Variants in TMEM26 observed in about 807,000 individuals in gnomAD.
TMEM26 encodes the protein transmembrane protein 26.
A neutral mutation model predicts 28.8 loss-of-function variants in TMEM26; 38 were observed. That is an observed-to-expected ratio of 1.32 (90% CI 1.02 to 1.73). The LOEUF (loss-of-function observed/expected upper bound fraction) is 1.73, where lower values mean the gene tolerates loss of function less well. Among genes scored for constraint, TMEM26 ranks in the 40% most tolerant of loss-of-function variants. The pLI is 0.00. For missense variants in TMEM26, 518 were observed against 447.1 expected (o/e 1.16, Z -1.43); for synonymous variants, 227 against 182.9 (o/e 1.24, Z -1.95).
intron 2 of TMEM26, 99 bp from the exon 3 acceptor site, chr10:61,431,431 A>C: frequency 1.2e-6 from 1 of 852,090 alleles, no homozygotes; most frequent in Non-Finnish European, 1.9e-6. Context: ...ATGAGCAGAT[A>C]TGCAGAGTTT....
intron 5 of TMEM26, chr10:61,412,908 T>A: frequency 1.6e-6 from 2 of 1,289,820 alleles, no homozygotes; most frequent in Non-Finnish European, 2.0e-6. Context: ...GGTTTATGTT[T>A]TTATTAAAGT....
intron 4 of TMEM26, chr10:61,414,862 A>T: frequency 2.6e-6 from 1 of 390,456 alleles, no homozygotes; most frequent in South Asian, 1.1e-4. Context: ...ACAGACATTC[A>T]GATTTAAACA....
chr10:61,452,953 G>A lies in TMEM26; in HGVS notation c.129C>T (p.Asn43=). The A allele has an allele frequency of 1.9e-6, 3 of 1,614,090 alleles. No homozygotes were observed. Among genetic ancestry groups the A allele is most frequent in the Non-Finnish European group, 2.5e-6 (3 of 1,180,014 alleles). Residue 43 remains asparagine (N), a synonymous_variant, in exon 1 of 6, where the codon AAC becomes AAT. Coordinates refer to ENST00000399298, the MANE Select transcript of TMEM26 (RefSeq NM_178505.8). The part of the protein sequence containing the change: ...EPRYWLLALL[N]LLLFLETALT... The stretch of plus-strand genomic sequence containing the variant: ...GCGCAGTCTCCAGGAAGAGCAAGAG[G>A]TTGAGCAGCGCAAGCAGCCAGTACC...
intron 4 of TMEM26, among the ~76,000 whole-genome samples, chr10:61,420,463 G>C (rs934246785): frequency 6.6e-6 from 1 of 152,060 alleles, no homozygotes; most frequent in Non-Finnish European, 1.5e-5. Context: ...TCAAACTCAT[G>C]TTATTCAAAG....
intron 1 of TMEM26, among the ~76,000 whole-genome samples, chr10:61,440,947 T>G (rs1295758128): frequency 1.3e-5 from 2 of 152,184 alleles, no homozygotes; most frequent in African/African-American, 4.8e-5. Flanking sequence ...CCTATGCATA[T>G]CCTCCCTATG....
chr10:61,436,325 G>GA (rs926108409), intron 1 of TMEM26, 77 bp from the exon 2 acceptor site: 1,103 of 873,802 alleles, frequency 1.3e-3, no homozygotes, highest in South Asian at 1.7e-3. Context: ...GAGGAAGAAT[G>GA]AAAAAAAAAT....
chr10:61,429,520 C>G (rs1180792192), intron 3 of TMEM26, among the ~76,000 whole-genome samples: 1 of 151,410 alleles, frequency 6.6e-6, no homozygotes, highest in Non-Finnish European at 1.5e-5. Context: ...ATCACAAAAA[C>G]TTCCTATATT....
At position 61,406,989 on chromosome 10, in the gene TMEM26, T is replaced by A. The variant is rs547261785; in HGVS notation, c.*3333A>T. On this transcript the variant is annotated 3_prime_UTR_variant, in exon 6 of 6. Coordinates refer to ENST00000399298, the MANE Select transcript of TMEM26 (RefSeq NM_178505.8). ...TTAGAAAAAAAAAAAATCCCCTTTT[T>A]TTCTTGTAATTCAAGACTGTTTGGT... The A allele has an allele frequency of 3.9e-5, 6 of 152,200 alleles. No individual in the cohort carries two copies. The South Asian group carries it at 1.2e-3, about 32-fold the overall frequency. 9.4% of individuals were successfully genotyped at this position (152,200 alleles called of 1,614,324 possible).
intron 1 of TMEM26, among the ~76,000 whole-genome samples, chr10:61,452,369 G>A (rs548219476): frequency 6.4e-4 from 98 of 152,366 alleles, no homozygotes; most frequent in African/African-American, 2.1e-3. Context: ...CGGCTGGAGG[G>A]AAGGGAAGCG....
chr10:61,431,023 G>A (rs1268734714), intron 3 of TMEM26, among the ~76,000 whole-genome samples, 196 bp downstream of exon 3: 1 of 151,616 alleles, frequency 6.6e-6, no homozygotes, highest in Non-Finnish European at 1.5e-5. Flanking sequence ...TATATAAAAT[G>A]TATCAATGTA....
intron 4 of TMEM26, among the ~76,000 whole-genome samples, chr10:61,419,226 T>C (rs1391930577): frequency 6.6e-6 from 1 of 152,008 alleles, no homozygotes; most frequent in Non-Finnish European, 1.5e-5. Flanking sequence ...TTATCCAAAA[T>C]GCCCAGTTCT....
rs554545245 is a variant in TMEM26, at chr10:61,432,626, A to G, written c.271-1294T>C. On this transcript the variant is annotated intron_variant, in intron 2 of 5. Coordinates refer to ENST00000399298, the MANE Select transcript of TMEM26 (RefSeq NM_178505.8). ...ACAACCACCACACATCCACGATCACACATTTGTATTTAGAGAGGACTTATT... is the reference window on the plus strand; with the variant it reads ...ACAACCACCACACATCCACGATCACGCATTTGTATTTAGAGAGGACTTATT... 3.8e-4 allele frequency among the ~76,000 whole-genome samples: 58 copies of G among 151,538 alleles called. No individual in the cohort carries two copies. In the South Asian group the frequency reaches 0.011, roughly 29 times the overall value.
At position 61,447,191 on chromosome 10, in the gene TMEM26, G is replaced by T. The variant is rs115454916; in HGVS notation, c.191+5700C>A. On this transcript the variant is annotated intron_variant, in intron 1 of 5. Coordinates refer to ENST00000399298, the MANE Select transcript of TMEM26 (RefSeq NM_178505.8). ...AATCCCTCTATCTCATCCTCTCTGG[G>T]GTCCAAAAACATTGGGGTGGGGAGT... Among the ~76,000 whole-genome samples the T allele has an allele frequency of 8.1e-3, 1,229 of 152,220 alleles. 20 individuals are homozygous for T. The highest frequency in any genetic ancestry group is 0.027 in the African/African-American group (1,141 of 41,526).
chr10:61,422,611 C>CA (rs998549630), intron 4 of TMEM26, among the ~76,000 whole-genome samples: 28 of 151,656 alleles, frequency 1.8e-4, no homozygotes, highest in Admixed American at 1.5e-3. Context: ...CATTAAGTAA[C>CA]AAAAAAAGAC....
At position 61,410,223 on chromosome 10, in the gene TMEM26, G is replaced by A. The variant is rs1839545357; in HGVS notation, c.*99C>T. The A allele has an allele frequency of 7.6e-7, 1 of 1,319,808 alleles. No homozygotes were observed. Among genetic ancestry groups the A allele is most frequent in the African/African-American group, 1.5e-5 (1 of 67,654 alleles). The allele number at this position is 1,319,808 out of a possible 1,614,324, so 81.8% of individuals were successfully genotyped here. On this transcript the variant is annotated 3_prime_UTR_variant, in exon 6 of 6. Coordinates refer to ENST00000399298, the MANE Select transcript of TMEM26 (RefSeq NM_178505.8). Reference sequence around the variant, plus strand: ...GATCACCTTTTTATGTTGTTCTTTTGAAAATTATTATACGCCAAGGTTGGA... The same window carrying A: ...GATCACCTTTTTATGTTGTTCTTTTAAAAATTATTATACGCCAAGGTTGGA...
intron 1 of TMEM26, among the ~76,000 whole-genome samples, chr10:61,441,398 T>C (rs970429886): frequency 3.3e-5 from 5 of 152,210 alleles, no homozygotes; most frequent in Admixed American, 3.3e-4. Context: ...TTTAGTGTGA[T>C]ATCTTTGCCA....
Position 61,442,403 on chromosome 10 carries a change from A to G in TMEM26, c.192-6155T>C, listed in dbSNP as rs1007763236. On this transcript the variant is annotated intron_variant, in intron 1 of 5. Coordinates refer to ENST00000399298, the MANE Select transcript of TMEM26 (RefSeq NM_178505.8). ...ATAACAGTATAAGTAAGCCTATAGA[A>G]GAAAAATTAGCCATATCACTACCCT... is the stretch of plus-strand genomic sequence containing the variant. Among the ~76,000 whole-genome samples the G allele has an allele frequency of 9.9e-5, 15 of 152,198 alleles. 1 individual carries two copies. Among genetic ancestry groups the G allele is most frequent in the African/African-American group, 3.6e-4 (15 of 41,456 alleles).
At position 61,408,900 on chromosome 10, in the gene TMEM26, G is replaced by A. The variant is rs1442579856; in HGVS notation, c.*1422C>T. On this transcript the variant is annotated 3_prime_UTR_variant, in exon 6 of 6. Transcript: ENST00000399298. The stretch of plus-strand genomic sequence containing the variant: ...TATAAAAGTTTGTATAAAATGTTTC[G>A]AATAGGTATCATGTCACCCAGAGAG... 1 of 152,106 alleles carries A rather than the reference G, an allele frequency of 6.6e-6. No individual in the cohort carries two copies. Among genetic ancestry groups the A allele is most frequent in the Non-Finnish European group, 1.5e-5 (1 of 68,006 alleles). The allele number at this position is 152,106 out of a possible 1,614,324, so 9.4% of individuals were successfully genotyped here.
chr10:61,450,778 G>C (rs1267000550), intron 1 of TMEM26, among the ~76,000 whole-genome samples: 2 of 150,422 alleles, frequency 1.3e-5, no homozygotes, highest in Non-Finnish European at 3.0e-5. Context: ...TTTTTTTTTT[G>C]ACGTTTTTGC....
Sources: allele counts gnomAD v4.1 joint callset (sites outside exome capture counted in the v4.1 genomes callset), GRCh38; gene constraint gnomAD v4.1.1; transcripts MANE v1.5; gene names NCBI Gene and HGNC (gene_info 2026-07-23, HGNC 2026-07-21).